RECK: variants seen among roughly 807,000 people sequenced by gnomAD.
RECK encodes reversion inducing cysteine rich protein with kazal motifs.
RECK carries 69 observed loss-of-function variants against 115.1 expected under a neutral mutation model. The ratio of observed to expected loss-of-function variants is 0.60; its 90% confidence interval spans 0.49 to 0.73. The LOEUF is 0.73. Ranked by LOEUF, RECK falls within the 30% of genes least tolerant of loss-of-function variation. The probability of loss-of-function intolerance (pLI) is 0.00; values close to 1 mark genes in which losing one functional copy is unlikely to be tolerated. For synonymous variants in RECK, 414 were observed against 419.7 expected (o/e 0.99, Z 0.17); for missense variants, 1,047 against 1,203.7 (o/e 0.87, Z 1.93).
intron 18 of RECK, among the ~76,000 whole-genome samples, chr9:36,119,459 C>A (rs1391335640): frequency 6.6e-6 from 1 of 152,118 alleles, no homozygotes; most frequent in Admixed American, 6.5e-5. Context: ...TTGTTTCATA[C>A]AGACTGTTTT....
intron 6 of RECK, among the ~76,000 whole-genome samples, chr9:36,077,847 T>C (rs1399507850): frequency 6.6e-6 from 1 of 152,128 alleles, no homozygotes; most frequent in African/African-American, 2.4e-5. Flanking sequence ...GCAAATATTT[T>C]AGGCTTGGAG....
chr9:36,095,464 T>A (rs946095924), intron 10 of RECK, among the ~76,000 whole-genome samples: 14 of 152,138 alleles, frequency 9.2e-5, no homozygotes, highest in Non-Finnish European at 1.9e-4. Context: ...ATATCCCAAC[T>A]CCTCTTATGA....
chr9:36,107,271 TA>T (rs1823858346), intron 13 of RECK, among the ~76,000 whole-genome samples: 1 of 151,924 alleles, frequency 6.6e-6, no homozygotes, highest in Non-Finnish European at 1.5e-5. Flanking sequence ...TTTCCATCAC[TA>T]AAAGTTTTTC....
intron 16 of RECK, among the ~76,000 whole-genome samples, chr9:36,115,034 G>T (rs1824206494): frequency 6.6e-6 from 1 of 152,098 alleles, no homozygotes; most frequent in Non-Finnish European, 1.5e-5. Flanking sequence ...ATTAATTGTG[G>T]CCGGGCACGG....
At chr9:36,084,701 G>T (rs192567130) in intron 8 of RECK, among the ~76,000 whole-genome samples, 25 of 143,530 alleles carry the variant, frequency 1.7e-4, no homozygotes, top group Non-Finnish European at 3.4e-4. Context: ...CAGGAAGGAA[G>T]AAGGAAGGAA....
At chr9:36,093,076 G>GC (rs546693609) in intron 10 of RECK, among the ~76,000 whole-genome samples, 30 of 152,242 alleles carry the variant, frequency 2.0e-4, no homozygotes, top group African/African-American at 7.2e-4. Context: ...AGTTAGAAGG[G>GC]CCTAGTAAAC....
intron 20 of RECK, among the ~76,000 whole-genome samples, chr9:36,122,419 G>A (rs1433390966): frequency 6.6e-6 from 1 of 152,188 alleles, no homozygotes; most frequent in African/African-American, 2.4e-5. Context: ...ACAGTTGATT[G>A]ATTAGGGCAG....
intron 5 of RECK, 103 bp downstream of exon 5, chr9:36,063,983 C>G (rs1821889694): frequency 9.5e-7 from 1 of 1,050,032 alleles, no homozygotes; most frequent in Admixed American, 2.2e-5. Flanking sequence ...GCAGAGGTAA[C>G]CCGTAAAAAC....
intron 2 of RECK, among the ~76,000 whole-genome samples, chr9:36,057,589 G>T (rs1454921677): frequency 6.6e-6 from 1 of 152,182 alleles, no homozygotes; most frequent in African/African-American, 2.4e-5. Context: ...AGGCTGAGGC[G>T]GGCGGATCGC....
At chr9:36,087,489 C>G (rs946569215) in intron 8 of RECK, among the ~76,000 whole-genome samples, 1 of 152,056 alleles carries the variant, frequency 6.6e-6, no homozygotes, top group Non-Finnish European at 1.5e-5. Flanking sequence ...CAGGGCCTGT[C>G]AGGGAGTTGG....
intron 14 of RECK, 90 bp downstream of exon 14, chr9:36,108,254 T>C: frequency 1.0e-6 from 1 of 967,798 alleles, no homozygotes; most frequent in Non-Finnish European, 1.5e-6. Context: ...GACCACAGAG[T>C]AAGGTCTGCA....
intron 1 of RECK, among the ~76,000 whole-genome samples, chr9:36,051,285 T>C (rs1420000488): frequency 1.3e-5 from 2 of 152,208 alleles, no homozygotes; most frequent in Non-Finnish European, 2.9e-5. Flanking sequence ...TGCTCTTTTC[T>C]GTCTGTAAAG....
At chr9:36,095,131 G>A (rs1823289603) in intron 10 of RECK, among the ~76,000 whole-genome samples, 1 of 152,180 alleles carries the variant, frequency 6.6e-6, no homozygotes, top group African/African-American at 2.4e-5. Flanking sequence ...GGGAGGCAGA[G>A]GTTGCAGTAA....
intron 19 of RECK, 135 bp downstream of exon 19, chr9:36,120,871 A>G: frequency 1.5e-6 from 1 of 650,832 alleles, no homozygotes; most frequent in Non-Finnish European, 2.7e-6. Context: ...CCAGGGCCAT[A>G]TAGCCCTTAA....
chr9:36,073,813 A>G (rs1294888222), intron 6 of RECK, among the ~76,000 whole-genome samples: 1 of 152,164 alleles, frequency 6.6e-6, no homozygotes, highest in Non-Finnish European at 1.5e-5. Context: ...AGTTGTACAA[A>G]TTGTTTGTTC....
At chr9:36,059,971 A>G (rs948901374) in intron 3 of RECK, 148 bp from the exon 4 acceptor site, 4 of 659,398 alleles carry the variant, frequency 6.1e-6, no homozygotes, top group Non-Finnish European at 1.1e-5. Flanking sequence ...CCCCCCGAAT[A>G]GCTGATTGAT....
Position 36,036,959 on chromosome 9 carries a change from G to C in RECK, c.-40G>C. On this transcript the variant is annotated 5_prime_UTR_variant, in exon 1 of 21. Coordinates refer to ENST00000377966, the MANE Select transcript of RECK (RefSeq NM_021111.3). Reference sequence around the variant, plus strand: ...GCGGCAGCGGCTGCGGCCAAGCTGGGTCCGAGCATCCCGCGGCTCTGGAGC... The same window carrying C: ...GCGGCAGCGGCTGCGGCCAAGCTGGCTCCGAGCATCCCGCGGCTCTGGAGC... 2 of 1,345,104 alleles carry C rather than the reference G, an allele frequency of 1.5e-6. No homozygotes were observed. Among genetic ancestry groups the C allele is most frequent in the Non-Finnish European group, 1.9e-6 (2 of 1,033,512 alleles). The allele number at this position is 1,345,104 out of a possible 1,614,324, so 83.3% of individuals were successfully genotyped here. A position where few individuals can be genotyped will look rare whatever the true frequency, so the allele number is the denominator to read the frequency against.
chr9:36,043,022 T>TTA (rs1323034904), intron 1 of RECK, among the ~76,000 whole-genome samples: 17 of 108,210 alleles, frequency 1.6e-4, no homozygotes, highest in African/African-American at 7.4e-4. Context: ...TTTTTTTTTT[T>TTA]TTTTTTTTTT....
rs1336294534 is a variant in RECK, at chr9:36,123,706, G to A, written c.*661G>A. The A allele has an allele frequency of 3.3e-5, 5 of 152,172 alleles. No homozygotes were observed. Among genetic ancestry groups the A allele is most frequent in the East Asian group, 1.9e-4 (1 of 5,200 alleles). The allele number at this position is 152,172 out of a possible 1,614,324, so 9.4% of individuals were successfully genotyped here. ...TGTAAGCAACAGGCTCACTGGTCAC[G>A]GATTTGTGTCTGTGACTTTTGTGAA... On this transcript the variant is annotated 3_prime_UTR_variant, in exon 21 of 21. Transcript: ENST00000377966.
Sources: gnomAD v4.1 joint callset for allele counts (sites outside exome capture counted in the v4.1 genomes callset) on GRCh38, gnomAD v4.1.1 for gene constraint, MANE v1.5 for transcripts, NCBI Gene and HGNC (gene_info 2026-07-23, HGNC 2026-07-21) for gene names.